The following ACBD6 variants were observed in gnomAD, a reference collection of about 807,000 sequenced individuals.
ACBD6 encodes the protein acyl-CoA-binding domain-containing protein 6.
A neutral mutation model predicts 37.2 loss-of-function variants in ACBD6; 28 were observed. That is an observed-to-expected ratio of 0.75 (90% CI 0.56 to 1.03). ACBD6 has a LOEUF of 1.03. Among genes scored for constraint, ACBD6 ranks in the 50% least tolerant of loss-of-function variants. The pLI is 0.00. For synonymous variants in ACBD6, 113 were observed against 126.8 expected, an observed-to-expected ratio of 0.89 and a Z score of 0.73; for missense variants, 340 against 337.4, an observed-to-expected ratio of 1.01 and a Z score of -0.06.
At chr1:180,319,977 T>C (rs1455237010) in intron 6 of ACBD6, among the ~76,000 whole-genome samples, 1 of 152,240 alleles carries the variant, frequency 6.6e-6, no homozygotes, top group Non-Finnish European at 1.5e-5. Flanking sequence ...GGTGTATGTA[T>C]ATCCCTTCAA....
chr1:180,320,237 C>T (rs753327398), intron 6 of ACBD6, among the ~76,000 whole-genome samples: 1 of 152,164 alleles, frequency 6.6e-6, no homozygotes, highest in Non-Finnish European at 1.5e-5. Flanking sequence ...TTTTGATTTG[C>T]ATTTCTCTGA....
At chr1:180,302,818 C>T (rs1337485063) in intron 7 of ACBD6, among the ~76,000 whole-genome samples, 15 of 149,560 alleles carry the variant, frequency 1.0e-4, no homozygotes, top group Admixed American at 4.0e-4. Flanking sequence ...CTCAGCATCC[C>T]ACTGCACTTA....
exon 14 of ACBD6, chr1:180,271,859 A>G: frequency 6.2e-7 from 1 of 1,613,868 alleles, no homozygotes; most frequent in Non-Finnish European, 8.5e-7. Context: ...CAGAAGGGCC[A>G]AAGAGAAACG....
chr1:180,433,276 T>C (rs531989901), intron 3 of ACBD6, among the ~76,000 whole-genome samples: 1 of 152,146 alleles, frequency 6.6e-6, no homozygotes, highest in African/African-American at 2.4e-5. Flanking sequence ...ATTAATACAA[T>C]GAAGGACAAA....
chr1:180,336,987 C>T (rs958663989), intron 6 of ACBD6, among the ~76,000 whole-genome samples: 30 of 152,182 alleles, frequency 2.0e-4, no homozygotes, highest in African/African-American at 7.2e-4. Context: ...AGACCAATAA[C>T]AGGCTCTGAA....
chr1:180,406,496 T>C lies in ACBD6; in HGVS notation c.573+6870A>G, dbSNP rs542000699. On this transcript the variant is annotated intron_variant, in intron 5 of 7. Coordinates refer to ENST00000367595, the MANE Select transcript of ACBD6 (RefSeq NM_032360.4). ...TATGTACAATAAAATAACTTCATTA[T>C]GAAATACAAATACATTTTATTTAAA... Among the ~76,000 whole-genome samples the C allele has an allele frequency of 1.3e-3, 195 of 152,282 alleles. 1 individual carries two copies. The highest frequency in any genetic ancestry group is 2.5e-3 in the Non-Finnish European group (170 of 67,982).
intron 7 of ACBD6, among the ~76,000 whole-genome samples, chr1:180,306,139 C>G (rs985143755): frequency 1.1e-4 from 16 of 151,182 alleles, no homozygotes; most frequent in Admixed American, 4.6e-4. Context: ...AGGAGATATA[C>G]CTAATGTTAA....
intron 4 of ACBD6, among the ~76,000 whole-genome samples, chr1:180,420,742 T>C (rs1648324773): frequency 6.6e-6 from 1 of 152,196 alleles, no homozygotes; most frequent in Non-Finnish European, 1.5e-5. Context: ...GGGCTTCTTA[T>C]TGTACAACCA....
intron 3 of ACBD6, among the ~76,000 whole-genome samples, chr1:180,490,027 C>T (rs1191694215): frequency 2.6e-5 from 4 of 152,194 alleles, no homozygotes; most frequent in Non-Finnish European, 4.4e-5. Flanking sequence ...ATCATAAATT[C>T]TGTCTTTTAT....
chr1:180,275,419 TGTG>T (rs1203486841), intron 9 of ACBD6: 1 of 152,180 alleles, frequency 6.6e-6, no homozygotes, highest in African/African-American at 2.4e-5. Flanking sequence ...AAAACTAAAA[TGTG>T]GGGAGAACAA....
At chr1:180,292,362 C>T (rs2149278781) in intron 7 of ACBD6, among the ~76,000 whole-genome samples, 1 of 152,250 alleles carries the variant, frequency 6.6e-6, no homozygotes, top group African/African-American at 2.4e-5. Context: ...AGGAATTATA[C>T]ACATACAAAT....
At chr1:180,449,663 C>T (rs1464770655) in intron 3 of ACBD6, among the ~76,000 whole-genome samples, 7 of 152,034 alleles carry the variant, frequency 4.6e-5, no homozygotes, top group Admixed American at 1.3e-4. Flanking sequence ...CCTCCTCGGC[C>T]TCCCAAACCA....
intron 7 of ACBD6, among the ~76,000 whole-genome samples, chr1:180,306,272 C>T (rs1322028195): frequency 6.6e-6 from 1 of 151,138 alleles, no homozygotes; most frequent in Admixed American, 6.6e-5. Context: ...CAAACAAAAC[C>T]AACCAAACCA....
chr1:180,416,600 CAGAA>C (rs1350412860), intron 4 of ACBD6, among the ~76,000 whole-genome samples: 28 of 152,122 alleles, frequency 1.8e-4, no homozygotes, highest in Non-Finnish European at 3.1e-4. Context: ...TAGCACAAAA[CAGAA>C]AGTCTCTTCT....
chr1:180,413,312 T>TG, intron 5 of ACBD6, 54 bp downstream of exon 5: 1 of 1,394,354 alleles, frequency 7.2e-7, no homozygotes, highest in Non-Finnish European at 1.0e-6. Flanking sequence ...GAAAAGGCAC[T>TG]GGGGCAGAAC....
intron 6 of ACBD6, among the ~76,000 whole-genome samples, chr1:180,337,197 C>CA (rs910835163): frequency 3.0e-4 from 45 of 151,948 alleles, no homozygotes; most frequent in African/African-American, 8.9e-4. Flanking sequence ...AGAGACACAA[C>CA]AAAAAAAGAG....
chr1:180,430,744 A>C (rs1375149622), intron 3 of ACBD6, among the ~76,000 whole-genome samples: 1 of 151,566 alleles, frequency 6.6e-6, no homozygotes, highest in Non-Finnish European at 1.5e-5. Flanking sequence ...TAGAGGAGGG[A>C]TAGGAAAGGA....
intron 6 of ACBD6, among the ~76,000 whole-genome samples, chr1:180,324,539 TTA>T (rs2149296632): frequency 6.6e-6 from 1 of 152,276 alleles, no homozygotes; most frequent in East Asian, 1.9e-4. Flanking sequence ...TTTTTGTTGC[TTA>T]TGTCTTATTG....
At chr1:180,376,665 A>G (rs1001205619) in intron 6 of ACBD6, among the ~76,000 whole-genome samples, 2 of 152,198 alleles carry the variant, frequency 1.3e-5, no homozygotes, top group Non-Finnish European at 2.9e-5. Flanking sequence ...AATATAGAAA[A>G]GATAAATCAG....
Sources: allele counts gnomAD v4.1 joint callset (sites outside exome capture counted in the v4.1 genomes callset), GRCh38; gene constraint gnomAD v4.1.1; transcripts MANE v1.5; gene names NCBI Gene and HGNC (gene_info 2026-07-23, HGNC 2026-07-21).